The following ZNF516 variants were observed in gnomAD, a reference collection of about 807,000 sequenced individuals.
ZNF516 encodes the protein zinc finger protein 516.
A neutral mutation model predicts 79.7 loss-of-function variants in ZNF516; 19 were observed. The ratio of observed to expected loss-of-function variants is 0.24; its 90% CI spans 0.17 to 0.35. The LOEUF (loss-of-function observed/expected upper bound fraction) is 0.35, where lower values mean the gene tolerates loss of function less well. Ranked by LOEUF, ZNF516 falls within the 10% of genes least tolerant of loss-of-function variation. The pLI is 1.00. For synonymous variants in ZNF516, 877 were observed against 739.5 expected, an observed-to-expected ratio of 1.19 and a Z score of -3.02; for missense variants, 1,678 against 1,679.5, an observed-to-expected ratio of 1.00 and a Z score of 0.02.
At chr18:76,423,210 A>G (rs1599063505) in intron 3 of ZNF516, among the ~76,000 whole-genome samples, 1 of 152,258 alleles carries the variant, frequency 6.6e-6, no homozygotes, top group Admixed American at 6.5e-5. Context: ...GAAAACAGCC[A>G]CAAGTTTTAC....
chr18:76,372,788 G>A (rs1437320296), intron 4 of ZNF516: 10 of 152,306 alleles, frequency 6.6e-5, no homozygotes, highest in East Asian at 3.9e-4. Flanking sequence ...CTTAGCCACC[G>A]ACTACTCAAT....
chr18:76,370,902 T>G (rs1232902401), intron 5 of ZNF516, among the ~76,000 whole-genome samples: 1 of 152,216 alleles, frequency 6.6e-6, no homozygotes, highest in Admixed American at 6.5e-5. Flanking sequence ...TCATCTTGCA[T>G]CAGACCAGCT....
At chr18:76,380,987 C>T (rs1278011564) in intron 3 of ZNF516, among the ~76,000 whole-genome samples, 1 of 152,218 alleles carries the variant, frequency 6.6e-6, no homozygotes, top group East Asian at 1.9e-4. Flanking sequence ...CGCCACCTGC[C>T]GGCTGCCCAG....
chr18:76,462,450 G>A (rs1003152976), intron 2 of ZNF516, among the ~76,000 whole-genome samples: 1 of 152,238 alleles, frequency 6.6e-6, no homozygotes, highest in African/African-American at 2.4e-5. Context: ...TCAGCAGAGA[G>A]ATTAGCGGTC....
intron 1 of ZNF516, chr18:76,491,180 C>A: frequency 1.1e-6 from 1 of 891,780 alleles, no homozygotes; most frequent in Non-Finnish European, 1.3e-6. Context: ...GCGCCTCGGC[C>A]CCCGGAGCCC....
intron 3 of ZNF516, among the ~76,000 whole-genome samples, chr18:76,401,498 G>A (rs1307483063): frequency 1.3e-5 from 2 of 152,046 alleles, no homozygotes; most frequent in Non-Finnish European, 2.9e-5. Flanking sequence ...TTTCCATCAA[G>A]TACTACATCA....
chr18:76,426,320 G>A (rs941533739), intron 3 of ZNF516, among the ~76,000 whole-genome samples: 1 of 152,114 alleles, frequency 6.6e-6, no homozygotes, highest in African/African-American at 2.4e-5. Context: ...TAAACAAAAG[G>A]AGTGTGCTCA....
intron 1 of ZNF516, among the ~76,000 whole-genome samples, chr18:76,465,097 T>C (rs767980131): frequency 6.6e-6 from 1 of 152,232 alleles, no homozygotes; most frequent in African/African-American, 2.4e-5. Flanking sequence ...CTGGCATGCA[T>C]CGTACACCAA....
Position 76,462,535 on chromosome 18 carries a change from A to G in ZNF516, c.-158+493T>C, listed in dbSNP as rs1913186996. Reference sequence around the variant, plus strand: ...GACGCAGATGAAGCCTGCACCACACAATTCCATCACTGCGTTAGGCAGCTC... The same window carrying G: ...GACGCAGATGAAGCCTGCACCACACGATTCCATCACTGCGTTAGGCAGCTC... On this transcript the variant is annotated intron_variant, in intron 2 of 6. Transcript: ENST00000443185. Among the ~76,000 whole-genome samples, 4 of 152,350 alleles carry G rather than the reference A, an allele frequency of 2.6e-5. No individual in the cohort carries two copies. The South Asian group carries it at 8.3e-4, about 32-fold the overall frequency.
At chr18:76,411,686 G>T (rs546461897) in intron 3 of ZNF516, among the ~76,000 whole-genome samples, 4 of 152,082 alleles carry the variant, frequency 2.6e-5, no homozygotes, top group African/African-American at 9.7e-5. Context: ...TAAAATTACC[G>T]CTTGACTACG....
rs746839489 is a variant in ZNF516 at position 76,442,686 on chromosome 18, G to C, written c.369C>G (p.Ala123=). The C allele has an allele frequency of 6.3e-7, 1 of 1,583,714 alleles. No homozygotes were observed. Among genetic ancestry groups the C allele is most frequent in the East Asian group, 2.3e-5 (1 of 43,352 alleles). The change falls in exon 3 of 7, where the codon GCC becomes GCG. Residue 123 remains alanine (A), a synonymous_variant. Transcript: ENST00000443185. ...AGGCCCCGTTCAGCAGCCGGTTGCA[G>C]GCCGAGGCGCTCTTGGTGGGGCTGG... is the stretch of plus-strand genomic sequence containing the variant. The part of the protein sequence containing the change: ...ACASPTKSAS[A]CNRLLNGASQ...
chr18:76,478,546 G>A (rs1414001976), intron 1 of ZNF516, among the ~76,000 whole-genome samples: 2 of 151,970 alleles, frequency 1.3e-5, no homozygotes, highest in African/African-American at 2.4e-5. Flanking sequence ...CAAAAAATAG[G>A]AATAACAAAT....
intron 1 of ZNF516, among the ~76,000 whole-genome samples, chr18:76,482,838 C>T (rs979031530): frequency 3.9e-5 from 6 of 152,176 alleles, no homozygotes; most frequent in Non-Finnish European, 8.8e-5. Flanking sequence ...AATCCTCACA[C>T]CACGGCCTAC....
At chr18:76,496,042 C>G (rs988265791), upstream of ZNF516, among the ~76,000 whole-genome samples, 3 of 152,028 alleles carry the variant, frequency 2.0e-5, no homozygotes, top group East Asian at 1.9e-4. Context: ...CACCTACTCC[C>G]CACGAGCAGT....
rs371148907 is a variant in ZNF516 at position 76,405,259 on chromosome 18, T to C, written c.1811-24956A>G. Among the ~76,000 whole-genome samples the C allele has an allele frequency of 4.6e-5, 7 of 152,258 alleles. No individual in the cohort carries two copies. In the South Asian group the frequency reaches 1.4e-3, roughly 32 times the overall value. ...ACTGTGTCTTTTTTGAGACAGGGGTTTGACTCTTGCCCAGGCTGGAGTGCA... is the reference window on the plus strand; with the variant it reads ...ACTGTGTCTTTTTTGAGACAGGGGTCTGACTCTTGCCCAGGCTGGAGTGCA... On this transcript the variant is annotated intron_variant, in intron 3 of 6. Transcript: ENST00000443185.
At chr18:76,374,388 A>T (rs2074753734) in intron 4 of ZNF516, among the ~76,000 whole-genome samples, 1 of 152,252 alleles carries the variant, frequency 6.6e-6, no homozygotes, top group South Asian at 2.1e-4. Context: ...CAATGATTAC[A>T]GAAAATGCAG....
At chr18:76,416,976 G>A (rs1431970485) in intron 3 of ZNF516, among the ~76,000 whole-genome samples, 1 of 152,148 alleles carries the variant, frequency 6.6e-6, no homozygotes, top group Non-Finnish European at 1.5e-5. Context: ...TCATGCCTGG[G>A]AAACATAACC....
intron 3 of ZNF516, among the ~76,000 whole-genome samples, chr18:76,438,747 A>C (rs1420666792): frequency 1.3e-5 from 2 of 152,240 alleles, no homozygotes; most frequent in Non-Finnish European, 2.9e-5. Flanking sequence ...CAGATCCAGA[A>C]ACAGCATTCA....
chr18:76,438,788 C>T (rs1213106891), intron 3 of ZNF516, among the ~76,000 whole-genome samples: 1 of 152,128 alleles, frequency 6.6e-6, no homozygotes, highest in Admixed American at 6.5e-5. Flanking sequence ...AGAAAATGTT[C>T]GGGCAAAATT....
Sources: gnomAD v4.1 joint callset for allele counts (sites outside exome capture counted in the v4.1 genomes callset) on GRCh38, gnomAD v4.1.1 for gene constraint, MANE v1.5 for transcripts, NCBI Gene and HGNC (gene_info 2026-07-23, HGNC 2026-07-21) for gene names.